Variants in MARCHF1 observed in about 807,000 individuals in gnomAD.
MARCHF1 encodes the protein membrane associated ring-CH-type finger 1.
Under a neutral mutation model 54.2 loss-of-function variants are expected in MARCHF1, and 40 were observed. The ratio of observed to expected loss-of-function variants is 0.74; its 90% confidence interval spans 0.57 to 0.96. The LOEUF is 0.96. Among genes scored for constraint, MARCHF1 ranks in the 40% least tolerant of loss-of-function variants. The pLI, the probability that MARCHF1 is intolerant of heterozygous loss-of-function variation, is 0.00. For synonymous variants in MARCHF1, 236 were observed against 236.3 expected, an observed-to-expected ratio of 1.00 and a Z score of 0.01; for missense variants, 586 against 656.5, an observed-to-expected ratio of 0.89 and a Z score of 1.17.
rs1257219349 is a variant in MARCHF1 at position 163,923,579 on chromosome 4, C to T, written c.-39+64922G>A. Among the ~76,000 whole-genome samples the T allele has an allele frequency of 3.3e-5, 5 of 152,022 alleles. No individual in the cohort carries two copies. The East Asian group carries it at 9.6e-4, about 29-fold the overall frequency. On this transcript the variant is annotated intron_variant, in intron 3 of 9. Transcript: ENST00000514618. ...AGGAAGAAGGATACTATCTTATATG[C>T]TATCTCACTCCAGTGAGCCTAAGAT...
At chr4:163,665,589 A>G (rs1480067448) in intron 5 of MARCHF1, among the ~76,000 whole-genome samples, 1 of 152,172 alleles carries the variant, frequency 6.6e-6, no homozygotes, top group Non-Finnish European at 1.5e-5. Context: ...TGGAGCGTGT[A>G]TAGCACTTAA....
chr4:164,149,920 C>T (rs17579347), intron 1 of MARCHF1, among the ~76,000 whole-genome samples: 6,627 of 152,210 alleles, frequency 0.044, 231 homozygotes, highest in Non-Finnish European at 0.062. Flanking sequence ...TCATTCAGGG[C>T]TGGCCCACAT....
intron 1 of MARCHF1, among the ~76,000 whole-genome samples, chr4:164,379,835 G>T (rs1222437854): frequency 6.6e-6 from 1 of 151,934 alleles, no homozygotes; most frequent in Non-Finnish European, 1.5e-5. Context: ...AATTAGCCAG[G>T]CATGGTGCTA....
chr4:164,172,024 G>A (rs1299036092), intron 1 of MARCHF1, among the ~76,000 whole-genome samples: 1 of 152,160 alleles, frequency 6.6e-6, no homozygotes, highest in African/African-American at 2.4e-5. Context: ...ACATGGGGTA[G>A]AATTAAGATG....
At chr4:163,608,484 C>T (rs978672774) in intron 7 of MARCHF1, among the ~76,000 whole-genome samples, 3 of 151,924 alleles carry the variant, frequency 2.0e-5, no homozygotes, top group Non-Finnish European at 4.4e-5. Context: ...CCAGTGAGGG[C>T]GATTTACAGG....
At chr4:164,035,738 C>T (rs115260124) in intron 2 of MARCHF1, among the ~76,000 whole-genome samples, 3,677 of 151,208 alleles carry the variant, frequency 0.024, 138 homozygotes, top group African/African-American at 0.08. Flanking sequence ...TTTCCTGGTT[C>T]CAAGTAAACT....
At chr4:163,534,351 T>C (rs1254025707) in intron 9 of MARCHF1, among the ~76,000 whole-genome samples, 6 of 152,078 alleles carry the variant, frequency 3.9e-5, no homozygotes, top group African/African-American at 1.2e-4. Context: ...AAGATGCCTT[T>C]TCACAATATT....
At chr4:163,906,928 T>A (rs984012033) in intron 3 of MARCHF1, among the ~76,000 whole-genome samples, 3 of 152,022 alleles carry the variant, frequency 2.0e-5, no homozygotes, top group African/African-American at 7.2e-5. Context: ...TTTTTATGAA[T>A]ATTTTTTGCA....
At chr4:164,376,890 G>A (rs1482394174) in intron 1 of MARCHF1, among the ~76,000 whole-genome samples, 1 of 152,192 alleles carries the variant, frequency 6.6e-6, no homozygotes, top group Admixed American at 6.5e-5. Context: ...ACATCCGGCA[G>A]GGTCCAAAAA....
At chr4:164,319,683 C>T (rs1324663190) in intron 1 of MARCHF1, among the ~76,000 whole-genome samples, 4 of 151,848 alleles carry the variant, frequency 2.6e-5, no homozygotes, top group Non-Finnish European at 5.9e-5. Context: ...TTTATTTAGT[C>T]GGTTCAGTTT....
intron 4 of MARCHF1, among the ~76,000 whole-genome samples, chr4:163,843,781 A>C (rs941534996): frequency 6.6e-6 from 1 of 151,484 alleles, no homozygotes; most frequent in Non-Finnish European, 1.5e-5. Flanking sequence ...ATAAGTGAGA[A>C]TATCTATTTT....
intron 4 of MARCHF1, among the ~76,000 whole-genome samples, chr4:163,824,440 T>A (rs567462852): frequency 1.4e-5 from 2 of 147,288 alleles, no homozygotes; most frequent in Admixed American, 1.4e-4. Context: ...TAGCCATATG[T>A]AGAAAGCTGA....
chr4:163,590,146 A>G (rs561182264), intron 7 of MARCHF1, among the ~76,000 whole-genome samples: 9 of 151,064 alleles, frequency 6.0e-5, no homozygotes, highest in African/African-American at 1.2e-4. Context: ...TGGGTCTTAC[A>G]TATCTTAAAA....
chr4:164,146,984 AC>A (rs1729766490), intron 1 of MARCHF1, among the ~76,000 whole-genome samples: 1 of 151,592 alleles, frequency 6.6e-6, no homozygotes, highest in African/African-American at 2.4e-5. Context: ...CAAGAAAAAA[AC>A]AAACAACCCC....
rs200294283 is a variant in MARCHF1, at chr4:163,613,365, G to A, written c.191C>T (p.Pro64Leu). ...GACAGACAACCTTGACTGGCTCCTG[G>A]GAGCTGTCCCTGTTGTTGGGCTGCT... ...KASSPTTGTA[P>L]RSQSRLSVCP... is the part of the protein sequence containing the mutation. The change falls in exon 6 of 10, where the codon CCC becomes CTC. Residue 64 changes from proline to leucine, a missense_variant. Around this residue, in one of 3 missense-constraint regions of MARCHF1, gnomAD observed 387 missense variants for 394.6 expected, o/e 0.98. Coordinates refer to ENST00000514618, the MANE Select transcript of MARCHF1 (RefSeq NM_001394959.1). 1.1e-4 allele frequency: 175 copies of A among 1,613,028 alleles called. 1 individual carries two copies. The highest frequency in any genetic ancestry group is 1.3e-4 in the Non-Finnish European group (157 of 1,179,478).
chr4:163,930,063 G>T (rs551767089), intron 3 of MARCHF1, among the ~76,000 whole-genome samples: 1 of 142,164 alleles, frequency 7.0e-6, no homozygotes, highest in Admixed American at 7.4e-5. Flanking sequence ...GGCAAACTAG[G>T]ATTATGGCAT....
At chr4:164,017,836 C>CAA (rs35073711) in intron 2 of MARCHF1, among the ~76,000 whole-genome samples, 37,395 of 137,822 alleles carry the variant, frequency 0.27, 5,149 homozygotes, top group Middle Eastern at 0.43. Context: ...CCTAAATTAG[C>CAA]AAAAAAAAAA....
intron 4 of MARCHF1, among the ~76,000 whole-genome samples, chr4:163,788,944 TTC>T (rs753150019): frequency 6.6e-6 from 1 of 152,018 alleles, no homozygotes; most frequent in Non-Finnish European, 1.5e-5. Context: ...AATGCAAATA[TTC>T]TGTTTCTCCA....
intron 3 of MARCHF1, among the ~76,000 whole-genome samples, chr4:163,890,772 G>C (rs1456860994): frequency 6.6e-6 from 1 of 152,058 alleles, no homozygotes; most frequent in Non-Finnish European, 1.5e-5. Flanking sequence ...GCCTCCCAAA[G>C]TGCTGGGATT....
Sources: gnomAD v4.1 joint callset for allele counts (sites outside exome capture counted in the v4.1 genomes callset) on GRCh38, gnomAD v4.1.1 for gene constraint, gnomAD v4.1.1 regional missense constraint, MANE v1.5 for transcripts, NCBI Gene and HGNC (gene_info 2026-07-23, HGNC 2026-07-21) for gene names.